Variants in RFTN1 observed in about 807,000 individuals in gnomAD.
RFTN1 encodes the protein raftlin.
In RFTN1, 26 loss-of-function variants were observed where a neutral mutation model predicts 46.5. The ratio of observed to expected loss-of-function variants is 0.56; its 90% CI spans 0.41 to 0.78. RFTN1 has a LOEUF of 0.78. RFTN1 is among the 30% of genes least tolerant of loss of function. RFTN1 has a pLI of 0.00. For missense variants in RFTN1, 693 were observed against 718.7 expected, an observed-to-expected ratio of 0.96 and a Z score of 0.41; for synonymous variants, 261 against 284.2, an observed-to-expected ratio of 0.92 and a Z score of 0.82.
At chr3:16,419,197 G>A (rs2075140491) in intron 3 of RFTN1, among the ~76,000 whole-genome samples, 1 of 152,200 alleles carries the variant, frequency 6.6e-6, no homozygotes, top group South Asian at 2.1e-4. Context: ...GTAATGATGA[G>A]CCTAGGGAAC....
intron 6 of RFTN1, among the ~76,000 whole-genome samples, chr3:16,360,172 T>G (rs1340619056): frequency 6.6e-6 from 1 of 151,842 alleles, no homozygotes; most frequent in African/African-American, 2.4e-5. Context: ...AAATTGCAGT[T>G]TCTTTTTTTT....
intron 4 of RFTN1, 81 bp from the exon 5 acceptor site, chr3:16,378,183 C>A (rs2073854585): frequency 7.2e-6 from 9 of 1,254,234 alleles, no homozygotes; most frequent in Non-Finnish European, 1.0e-5. Context: ...AAAGCGCCTC[C>A]CCGAGGCCTG....
chr3:16,328,424 G>A (rs535058058), intron 7 of RFTN1, among the ~76,000 whole-genome samples: 42 of 152,326 alleles, frequency 2.8e-4, no homozygotes, highest in Admixed American at 2.4e-3. Flanking sequence ...TGGGCGAGTG[G>A]GATGGAAGGC....
Position 16,473,575 on chromosome 3 carries a change from G to A in RFTN1, c.145+20150C>T, listed in dbSNP as rs538880534. On this transcript the variant is annotated intron_variant, in intron 2 of 9. Transcript: ENST00000334133. The surrounding 1 kb of genome is among the most constrained non-coding windows in gnomAD (Gnocchi z 5.3). ...ACCGCCCTGCCTGGCTAATTTTTTT[G>A]TATTTTTTTTTAGTAGAAACGGAGT... is the stretch of plus-strand genomic sequence containing the variant. Among the ~76,000 whole-genome samples, 62 of 151,592 alleles carry A rather than the reference G, an allele frequency of 4.1e-4. No homozygotes were observed. Among genetic ancestry groups the A allele is most frequent in the Non-Finnish European group, 8.4e-4 (57 of 67,850 alleles).
rs1407885489 is a variant in RFTN1, at chr3:16,317,138, T to A, written c.1427A>T (p.Glu476Val). The A allele has an allele frequency of 6.2e-7, 1 of 1,613,814 alleles. No homozygotes were observed. The highest frequency in any genetic ancestry group is 1.1e-5 in the South Asian group (1 of 91,072). Residue 476 changes from glutamate to valine, a missense_variant, in exon 10 of 10, where the codon GAA (glutamate) becomes GTA (valine). Physicochemically the swap from Glu to Val is moderately radical, Grantham distance 121. Coordinates refer to ENST00000334133, the MANE Select transcript of RFTN1 (RefSeq NM_015150.2). This position sits in a 1 kb window ranked among gnomAD's most constrained non-coding sequence, Gnocchi z 4.3. ...LSARDKQQAEENEKNLEDQSS... is the reference protein window; with the variant it reads ...LSARDKQQAEVNEKNLEDQSS... ...CTGGTCTTCTAAGTTCTTCTCATTT[T>A]CTTCTGCTTGTTGTTTGTCTCTGGC...
Position 16,415,378 on chromosome 3 carries a change from A to ATCCAAGTTG in RFTN1, c.333-5904_333-5896dup, listed in dbSNP as rs1414816596. 6.3e-5 allele frequency among the ~76,000 whole-genome samples: 9 copies of ATCCAAGTTG among 141,744 alleles called. No individual in the cohort carries two copies. In the Admixed American group the frequency reaches 6.7e-4, roughly 10 times the overall value. The allele number at this position is 141,744 out of a possible 152,430, so 93.0% of individuals were successfully genotyped here. On this transcript the variant is annotated intron_variant, in intron 3 of 9. Transcript: ENST00000334133. ...GTTGAATATGACATATCCAGAAGAC[A>ATCCAAGTTG]TCCAAGTTGAGATGTCTGGTAGACA... is the stretch of plus-strand genomic sequence containing the variant.
At chr3:16,464,435 A>G (rs2076055998) in intron 2 of RFTN1, among the ~76,000 whole-genome samples, 2 of 152,098 alleles carry the variant, frequency 1.3e-5, no homozygotes, top group African/African-American at 4.8e-5. Flanking sequence ...TGCTTTCTGT[A>G]TTTTATATAG....
chr3:16,388,666 T>A (rs142056911), intron 4 of RFTN1, among the ~76,000 whole-genome samples: 1 of 152,306 alleles, frequency 6.6e-6, no homozygotes, highest in African/African-American at 2.4e-5. Context: ...CAAGTCAATC[T>A]TCCCCTCAGG....
Position 16,345,848 on chromosome 3 carries a change from G to GCA in RFTN1, c.1146+12082_1146+12083dup, listed in dbSNP as rs1559843903. On this transcript the variant is annotated intron_variant, in intron 7 of 9. Coordinates refer to ENST00000334133, the MANE Select transcript of RFTN1 (RefSeq NM_015150.2). The surrounding 1 kb of genome is among the most constrained non-coding windows in gnomAD (Gnocchi z 5.2). ...CGCGCGTGCGCGCACGCGCACATGTGCATGTGTATGTGTATAATCTCCTAC... is the reference window on the plus strand; with the variant it reads ...CGCGCGTGCGCGCACGCGCACATGTGCACATGTGTATGTGTATAATCTCCTAC... Among the ~76,000 whole-genome samples the GCA allele has an allele frequency of 7.2e-5, 6 of 83,202 alleles. No individual in the cohort carries two copies. The highest frequency in any genetic ancestry group is 3.5e-4 in the East Asian group (1 of 2,880). 54.6% of individuals were successfully genotyped at this position (83,202 alleles called of 152,430 possible). A position where few individuals can be genotyped will look rare whatever the true frequency, so the allele number is the denominator to read the frequency against.
rs1006434268 is a variant in RFTN1 at position 16,474,632 on chromosome 3, T to C, written c.145+19093A>G. 6.6e-6 allele frequency among the ~76,000 whole-genome samples: 1 copy of C among 152,182 alleles called. No individual in the cohort carries two copies. The highest frequency in any genetic ancestry group is 2.4e-5 in the African/African-American group (1 of 41,442). On this transcript the variant is annotated intron_variant, in intron 2 of 9. Transcript: ENST00000334133. The surrounding 1 kb of genome is among the most constrained non-coding windows in gnomAD (Gnocchi z 5.5). Reference sequence around the variant, plus strand: ...AAAAAAAAAATAGGCTCCCCTCCAATGCAATTTTTAAACCACTGATTCACC... The same window carrying C: ...AAAAAAAAAATAGGCTCCCCTCCAACGCAATTTTTAAACCACTGATTCACC...
chr3:16,412,043 C>G (rs2074989446), intron 3 of RFTN1, among the ~76,000 whole-genome samples: 1 of 152,146 alleles, frequency 6.6e-6, no homozygotes. Flanking sequence ...AGAAAGGAAG[C>G]TCTGGTTCAT....
At chr3:16,486,159 C>T (rs1389597738) in intron 2 of RFTN1, among the ~76,000 whole-genome samples, 1 of 152,076 alleles carries the variant, frequency 6.6e-6, no homozygotes, top group Non-Finnish European at 1.5e-5. Flanking sequence ...ATTTCTCTTT[C>T]CCCCACTCCT....
chr3:16,447,404 C>A lies in RFTN1; in HGVS notation c.146-13367G>T, dbSNP rs1468055655. On this transcript the variant is annotated intron_variant, in intron 2 of 9. Coordinates refer to ENST00000334133, the MANE Select transcript of RFTN1 (RefSeq NM_015150.2). The surrounding 1 kb of genome is among the most constrained non-coding windows in gnomAD (Gnocchi z 5.9). ...GTGCATGGAAATAGAAAATCATACA[C>A]ACGAGTTGAGCAGCTCCGGCTCCAT... Among the ~76,000 whole-genome samples the A allele has an allele frequency of 6.6e-6, 1 of 152,188 alleles. No individual in the cohort carries two copies. The highest frequency in any genetic ancestry group is 1.5e-5 in the Non-Finnish European group (1 of 68,036).
chr3:16,423,519 G>A (rs778857163), intron 3 of RFTN1, among the ~76,000 whole-genome samples: 3 of 152,180 alleles, frequency 2.0e-5, no homozygotes, highest in Non-Finnish European at 2.9e-5. Flanking sequence ...CTCATGAAAC[G>A]TGTGGACACT....
In RFTN1 at chr3:16,381,767, A is replaced by C. The variant is rs2074001061; in HGVS notation, c.442-3665T>G. On this transcript the variant is annotated intron_variant, in intron 4 of 9. Coordinates refer to ENST00000334133, the MANE Select transcript of RFTN1 (RefSeq NM_015150.2). The surrounding 1 kb of genome is among the most constrained non-coding windows in gnomAD (Gnocchi z 4.2). The stretch of plus-strand genomic sequence containing the variant: ...TTTCTAGAAATATTTCTGGAACATG[A>C]CATGAGAAACCAAGAGGAGCCCAGA... Among the ~76,000 whole-genome samples the C allele has an allele frequency of 6.6e-6, 1 of 152,190 alleles. No individual in the cohort carries two copies.
intron 1 of RFTN1, among the ~76,000 whole-genome samples, chr3:16,510,341 T>G (rs1575393219): frequency 6.6e-6 from 1 of 152,288 alleles, no homozygotes; most frequent in Non-Finnish European, 1.5e-5. Flanking sequence ...CTTAGTAAAA[T>G]TCTGTGGGGC....
Position 16,451,972 on chromosome 3 carries a change from G to A in RFTN1, c.146-17935C>T, listed in dbSNP as rs554915287. On this transcript the variant is annotated intron_variant, in intron 2 of 9. Transcript: ENST00000334133. This position sits in a 1 kb window ranked among gnomAD's most constrained non-coding sequence, Gnocchi z 4.2. ...AAGACAGTGGAACTGATCACTGAGT[G>A]GCCACTAAGTGAGTAATGGGTGGGT... 2.4e-4 allele frequency among the ~76,000 whole-genome samples: 37 copies of A among 152,136 alleles called. No homozygotes were observed. The highest frequency in any genetic ancestry group is 4.1e-4 in the Non-Finnish European group (28 of 68,022).
chr3:16,409,274 C>T, intron 4 of RFTN1, 101 bp downstream of exon 4: 1 of 774,506 alleles, frequency 1.3e-6, no homozygotes, highest in Non-Finnish European at 2.2e-6. Context: ...TCTTGCATGG[C>T]CTCTTGAGTG....
intron 4 of RFTN1, among the ~76,000 whole-genome samples, chr3:16,396,911 A>C (rs564146047): frequency 8.5e-5 from 13 of 152,188 alleles, no homozygotes; most frequent in African/African-American, 3.1e-4. Flanking sequence ...AAAAATACAA[A>C]AATTAGCTGG....
Sources: gnomAD v4.1 joint callset for allele counts (sites outside exome capture counted in the v4.1 genomes callset) on GRCh38, gnomAD v4.1.1 for gene constraint, Gnocchi (gnomAD v3.1) non-coding constraint, MANE v1.5 for transcripts, NCBI Gene and HGNC (gene_info 2026-07-23, HGNC 2026-07-21) for gene names.